Variants in GPC6 observed in about 807,000 individuals in gnomAD.
GPC6 encodes glypican-6.
GPC6 carries 14 observed loss-of-function variants against 55.2 expected under a neutral mutation model. The ratio of observed to expected loss-of-function variants is 0.25; its 90% CI spans 0.17 to 0.40. The LOEUF (loss-of-function observed/expected upper bound fraction) is 0.40. Ranked by LOEUF, GPC6 falls within the 10% of genes least tolerant of loss-of-function variation. GPC6 has a pLI of 1.00. For missense variants in GPC6, 641 were observed against 708.5 expected, an observed-to-expected ratio of 0.90 and a Z score of 1.08; for synonymous variants, 278 against 259.6, an observed-to-expected ratio of 1.07 and a Z score of -0.68.
chr13:93,729,183 T>A (rs1229015664), intron 2 of GPC6, among the ~76,000 whole-genome samples: 2 of 152,198 alleles, frequency 1.3e-5, no homozygotes, highest in Admixed American at 6.5e-5. Context: ...TGCTCTCTTC[T>A]CTGTGTAGCT....
intron 2 of GPC6, among the ~76,000 whole-genome samples, chr13:93,766,675 T>A (rs560089488): frequency 6.6e-6 from 1 of 152,250 alleles, no homozygotes; most frequent in African/African-American, 2.4e-5. Flanking sequence ...CTGTAAGTAT[T>A]TTTATCATTA....
chr13:93,848,886 G>A (rs12427803), intron 3 of GPC6, among the ~76,000 whole-genome samples: 5,289 of 151,992 alleles, frequency 0.035, 273 homozygotes, highest in East Asian at 0.17. Context: ...AACCCAGCTC[G>A]CTTGCCTCAC....
intron 1 of GPC6, among the ~76,000 whole-genome samples, chr13:93,264,427 T>G (rs1173895346): frequency 3.3e-5 from 5 of 152,152 alleles, no homozygotes; most frequent in African/African-American, 7.2e-5. Context: ...TATTATTTTT[T>G]GAGACAGATT....
chr13:93,514,984 G>A (rs760993264), intron 1 of GPC6, among the ~76,000 whole-genome samples: 1 of 152,178 alleles, frequency 6.6e-6, no homozygotes, highest in Non-Finnish European at 1.5e-5. Flanking sequence ...CATCCCCAGT[G>A]TGATGGCATT....
At chr13:93,622,080 G>T (rs1157054225) in intron 2 of GPC6, among the ~76,000 whole-genome samples, 1 of 151,690 alleles carries the variant, frequency 6.6e-6, no homozygotes, top group African/African-American at 2.4e-5. Flanking sequence ...AACTTTTTTA[G>T]TTCCCATATA....
At chr13:93,893,416 T>A (rs1358801588) in intron 3 of GPC6, among the ~76,000 whole-genome samples, 1 of 152,084 alleles carries the variant, frequency 6.6e-6, no homozygotes, top group African/African-American at 2.4e-5. Flanking sequence ...ATTTACTTTT[T>A]AAAAAATCAC....
intron 1 of GPC6, among the ~76,000 whole-genome samples, chr13:93,324,446 C>A (rs1161727074): frequency 6.6e-6 from 1 of 150,992 alleles, no homozygotes; most frequent in Non-Finnish European, 1.5e-5. Flanking sequence ...GTTTGTAACA[C>A]AAAGGATAGA....
chr13:93,644,575 T>C (rs1880092200), intron 2 of GPC6, among the ~76,000 whole-genome samples: 1 of 152,012 alleles, frequency 6.6e-6, no homozygotes, highest in African/African-American at 2.4e-5. Context: ...AAAATAAATG[T>C]ACAGATTATA....
chr13:93,657,997 G>A (rs1880757534), intron 2 of GPC6, among the ~76,000 whole-genome samples: 1 of 152,044 alleles, frequency 6.6e-6, no homozygotes, highest in Non-Finnish European at 1.5e-5. Flanking sequence ...AGACATTGCT[G>A]GTGGAAATGT....
intron 3 of GPC6, among the ~76,000 whole-genome samples, chr13:93,871,025 G>A (rs1209621986): frequency 2.6e-5 from 4 of 151,270 alleles, no homozygotes; most frequent in Non-Finnish European, 4.4e-5. Flanking sequence ...TTTTTTCACC[G>A]CTACTTTGAG....
chr13:94,359,140 C>G (rs948985741), intron 6 of GPC6, among the ~76,000 whole-genome samples: 2 of 152,152 alleles, frequency 1.3e-5, no homozygotes, highest in African/African-American at 4.8e-5. Context: ...GAGAAACCCT[C>G]TTACCTTTTT....
intron 4 of GPC6, among the ~76,000 whole-genome samples, chr13:94,053,799 A>G (rs1036315722): frequency 1.3e-5 from 2 of 152,194 alleles, no homozygotes; most frequent in African/African-American, 4.8e-5. Context: ...GTTTCCTAAG[A>G]GTTAAATTAG....
intron 2 of GPC6, among the ~76,000 whole-genome samples, chr13:93,595,676 G>T (rs1382395404): frequency 6.6e-6 from 1 of 152,040 alleles, no homozygotes; most frequent in East Asian, 1.9e-4. Flanking sequence ...AAGATGATGG[G>T]TGCCTGAATG....
intron 1 of GPC6, among the ~76,000 whole-genome samples, chr13:93,388,758 G>A (rs1875501943): frequency 6.6e-6 from 1 of 152,058 alleles, no homozygotes; most frequent in Admixed American, 6.6e-5. Flanking sequence ...ATATTTTTAT[G>A]TTTATTCCTT....
In GPC6 at chr13:94,294,123, C is replaced by A. The variant is rs985134482; in HGVS notation, c.1008+7644C>A. On this transcript the variant is annotated intron_variant, in intron 5 of 8. Transcript: ENST00000377047. Reference sequence around the variant, plus strand: ...ATTCCCCAAGGGAAGGGAGAAAAAACCTGAATCTCTGCCTTTGAATTTCAG... The same window carrying A: ...ATTCCCCAAGGGAAGGGAGAAAAAAACTGAATCTCTGCCTTTGAATTTCAG... Among the ~76,000 whole-genome samples, 5 of 152,128 alleles carry A rather than the reference C, an allele frequency of 3.3e-5. No individual in the cohort carries two copies. In the South Asian group the frequency reaches 1.0e-3, roughly 32 times the overall value.
intron 4 of GPC6, among the ~76,000 whole-genome samples, chr13:94,259,078 GC>G (rs1891584951): frequency 6.6e-6 from 1 of 151,504 alleles, no homozygotes; most frequent in African/African-American, 2.4e-5. Flanking sequence ...CTTCTCAGAA[GC>G]CCCTAGCACA....
rs1395919861 is a variant in GPC6, at chr13:94,237,927, C to T, written c.878-48422C>T. On this transcript the variant is annotated intron_variant, in intron 4 of 8. Transcript: ENST00000377047. ...TGAGAAGAGATGCTCTTGCAGTATT[C>T]CAGGCAAGAGATTATGCTGGCTCGA... is the stretch of plus-strand genomic sequence containing the variant. Among the ~76,000 whole-genome samples the T allele has an allele frequency of 2.6e-5, 4 of 152,034 alleles. No homozygotes were observed. In the East Asian group the frequency reaches 7.7e-4, roughly 29 times the overall value.
intron 1 of GPC6, among the ~76,000 whole-genome samples, chr13:93,235,093 G>T (rs1419137155): frequency 6.6e-6 from 1 of 151,968 alleles, no homozygotes; most frequent in African/African-American, 2.4e-5. Context: ...AATGATATTT[G>T]GTACTTAAGC....
chr13:93,263,656 C>A (rs901864229), intron 1 of GPC6, among the ~76,000 whole-genome samples: 1 of 152,132 alleles, frequency 6.6e-6, no homozygotes, highest in African/African-American at 2.4e-5. Flanking sequence ...TGAGCCACCA[C>A]GCCCCGCCAC....
Sources: gnomAD v4.1 joint callset for allele counts (sites outside exome capture counted in the v4.1 genomes callset) on GRCh38, gnomAD v4.1.1 for gene constraint, MANE v1.5 for transcripts, NCBI Gene and HGNC (gene_info 2026-07-23, HGNC 2026-07-21) for gene names.